C1orf50: variants seen among roughly 807,000 people sequenced by gnomAD.
C1orf50 encodes the protein chromosome 1 open reading frame 50.
C1orf50 carries 22 observed loss-of-function variants against 23.3 expected under a neutral mutation model. That is an observed-to-expected ratio of 0.94 (90% CI 0.67 to 1.35). The LOEUF is 1.35. Ranked by LOEUF, C1orf50 falls within the 40% of genes most tolerant of loss-of-function variation. C1orf50 has a pLI of 0.00. For missense variants in C1orf50, 271 were observed against 249.4 expected, an observed-to-expected ratio of 1.09 and a Z score of -0.58; for synonymous variants, 96 against 102.4, an observed-to-expected ratio of 0.94 and a Z score of 0.38.
intron 2 of C1orf50, among the ~76,000 whole-genome samples, chr1:42,772,769 G>A (rs1445716786): frequency 5.1e-5 from 6 of 118,650 alleles, no homozygotes; most frequent in Non-Finnish European, 1.0e-4. Flanking sequence ...CAATAAGAAC[G>A]AAAACTGTCT....
intron 2 of C1orf50, among the ~76,000 whole-genome samples, chr1:42,771,551 G>A (rs1245509693): frequency 6.6e-6 from 1 of 151,980 alleles, no homozygotes; most frequent in Non-Finnish European, 1.5e-5. Context: ...AATATCAAAT[G>A]CAAAATATGG....
chr1:42,767,306 G>A lies in C1orf50; in HGVS notation c.-6G>A. On this transcript the variant is annotated 5_prime_UTR_variant, in exon 1 of 5. Transcript: ENST00000372525. ...GCCCAGGGAGTGGGGAGGATAAGGC[G>A]CTGTCATGGAGGACGCCGCCGCGCC... 1 of 1,503,922 alleles carries A rather than the reference G, an allele frequency of 6.6e-7. No homozygotes were observed. Among genetic ancestry groups the A allele is most frequent in the East Asian group, 2.4e-5 (1 of 41,968 alleles). The allele number at this position is 1,503,922 out of a possible 1,614,324, so 93.2% of individuals were successfully genotyped here.
At position 42,767,408 on chromosome 1, in the gene C1orf50, C is replaced by T; in HGVS notation, c.79+18C>T. On this transcript the variant is annotated intron_variant, in intron 1 of 4. Coordinates refer to ENST00000372525, the MANE Select transcript of C1orf50 (RefSeq NM_024097.4). The stretch of plus-strand genomic sequence containing the variant: ...CCAGGGAGGTATGCGGGGCGGGAGT[C>T]AGCAGGGGGAAGTCAGCTCCCGCGA... The T allele has an allele frequency of 6.4e-7, 1 of 1,556,170 alleles. No homozygotes were observed. The highest frequency in any genetic ancestry group is 8.7e-7 in the Non-Finnish European group (1 of 1,151,248).
intron 4 of C1orf50, 132 bp from the exon 5 acceptor site, chr1:42,775,077 A>G (rs1653306649): frequency 1.0e-6 from 1 of 979,278 alleles, no homozygotes; most frequent in Non-Finnish European, 1.5e-6. Context: ...TGTGTAAGGT[A>G]ACTGCGTTCC....
chr1:42,767,871 C>T (rs758011030), intron 2 of C1orf50, among the ~76,000 whole-genome samples: 2 of 152,226 alleles, frequency 1.3e-5, no homozygotes, highest in African/African-American at 2.4e-5. Flanking sequence ...GTTTACACAA[C>T]ACTTTAGTGT....
intron 3 of C1orf50, among the ~76,000 whole-genome samples, chr1:42,773,935 G>A (rs1341076810): frequency 6.6e-6 from 1 of 152,104 alleles, no homozygotes; most frequent in Non-Finnish European, 1.5e-5. Flanking sequence ...CGATTCTCCT[G>A]TCTCAGCCTC....
chr1:42,776,414 T>C lies in C1orf50; in HGVS notation c.*1020T>C, dbSNP rs1360868508. On this transcript the variant is annotated 3_prime_UTR_variant, in exon 5 of 5. Coordinates refer to ENST00000372525, the MANE Select transcript of C1orf50 (RefSeq NM_024097.4). ...ATCTGTTTGGTGGAATTAGCTAAGT[T>C]TATGGATTATTTCGCATGGCTATAA... 6.6e-6 allele frequency: 1 copy of C among 152,210 alleles called. No individual in the cohort carries two copies. The highest frequency in any genetic ancestry group is 2.4e-5 in the African/African-American group (1 of 41,442). 9.4% of individuals were successfully genotyped at this position (152,210 alleles called of 1,614,324 possible). A position where few individuals can be genotyped will look rare whatever the true frequency, so the allele number is the denominator to read the frequency against.
rs1278825580 is a variant in C1orf50, at chr1:42,778,959, A to G, written c.*3565A>G. 7.7e-6 allele frequency: 1 copy of G among 129,652 alleles called. No homozygotes were observed. Among genetic ancestry groups the G allele is most frequent in the Non-Finnish European group, 1.6e-5 (1 of 63,400 alleles). The allele number at this position is 129,652 out of a possible 1,614,324, so 8.0% of individuals were successfully genotyped here. On this transcript the variant is annotated 3_prime_UTR_variant, in exon 5 of 5. Coordinates refer to ENST00000372525, the MANE Select transcript of C1orf50 (RefSeq NM_024097.4). Reference sequence around the variant, plus strand: ...GAATGAGAGGGCCTGTATTTCACCAATTACAAGGTGTACTTCCCCCCCCCC... The same window carrying G: ...GAATGAGAGGGCCTGTATTTCACCAGTTACAAGGTGTACTTCCCCCCCCCC...
chr1:42,774,645 T>C lies in C1orf50; in HGVS notation c.283-92T>C, dbSNP rs1027806967. 6 of 1,439,186 alleles carry C rather than the reference T, an allele frequency of 4.2e-6. No individual in the cohort carries two copies. The South Asian group carries it at 8.2e-5, about 20-fold the overall frequency. 89.2% of individuals were successfully genotyped at this position (1,439,186 alleles called of 1,614,324 possible). A position where few individuals can be genotyped will look rare whatever the true frequency, so the allele number is the denominator to read the frequency against. ...TATGGGGGAGCAAGATCCTAAGCACTGAATGGTTTCCAAATTTTAATTGGG... is the reference window on the plus strand; with the variant it reads ...TATGGGGGAGCAAGATCCTAAGCACCGAATGGTTTCCAAATTTTAATTGGG... On this transcript the variant is annotated intron_variant, in intron 3 of 4. Transcript: ENST00000372525.
In C1orf50 at chr1:42,775,762, T is replaced by TTATATATATATATATATATATA. The variant is rs35859868; in HGVS notation, c.*371_*392dup. The TTATATATATATATATATATATA allele has an allele frequency of 1.4e-3, 192 of 135,916 alleles. No homozygotes were observed. Among genetic ancestry groups the TTATATATATATATATATATATA allele is most frequent in the African/African-American group, 4.8e-3 (174 of 36,070 alleles). 8.4% of individuals were successfully genotyped at this position (135,916 alleles called of 1,614,324 possible). On this transcript the variant is annotated 3_prime_UTR_variant, in exon 5 of 5. Transcript: ENST00000372525. ...TCCAGAGAGAACTGTTTTCAGTCTT[T>TTATATATATATATATATATATA]TATATATATATATATATATATATAA...
rs200795156 is a variant in C1orf50 at position 42,775,370 on chromosome 1, C to T, written c.576C>T (p.Pro192=). 5.6e-6 allele frequency: 9 copies of T among 1,598,856 alleles called. No homozygotes were observed. The East Asian group carries it at 1.8e-4, about 32-fold the overall frequency. ...QSVALPPCTE[P]NFQGLTH ...TGGCCCTGCCTCCGTGCACTGAACC[C>T]AACTTCCAGGGACTGACTCACTGAG... Residue 192 remains proline (P), a synonymous_variant, in exon 5 of 5, where the codon CCC becomes CCT. Transcript: ENST00000372525.
Position 42,767,622 on chromosome 1 carries a change from A to G in C1orf50, c.193A>G (p.Lys65Glu). The G allele has an allele frequency of 6.2e-7, 1 of 1,610,388 alleles. No individual in the cohort carries two copies. Among genetic ancestry groups the G allele is most frequent in the South Asian group, 1.1e-5 (1 of 90,476 alleles). ...CGTGGCGCTCGCAGAGCAGGTGCAG[A>G]AGGTGAGGAGGCGCGGCCGGGGCAG... ...DLVALAEQVQ[K>E]ADEFIRANAT... Residue 65 changes from lysine to glutamate, a missense_variant and splice_region_variant, in exon 2 of 5, where the codon AAG becomes GAG. Physicochemically the swap from Lys to Glu is moderately conservative, Grantham distance 56. Transcript: ENST00000372525.
rs969356294 is a variant in C1orf50, at chr1:42,779,419, G to C, written c.*4025G>C. On this transcript the variant is annotated 3_prime_UTR_variant, in exon 5 of 5. Transcript: ENST00000372525. Reference sequence around the variant, plus strand: ...AATCATAACATAGCATCTTACATTTGATGAAGCATGGCACATTGAAAGTAC... The same window carrying C: ...AATCATAACATAGCATCTTACATTTCATGAAGCATGGCACATTGAAAGTAC... 3 of 151,488 alleles carry C rather than the reference G, an allele frequency of 2.0e-5. No homozygotes were observed. Among genetic ancestry groups the C allele is most frequent in the Non-Finnish European group, 4.4e-5 (3 of 67,912 alleles). The allele number at this position is 151,488 out of a possible 1,614,324, so 9.4% of individuals were successfully genotyped here. A position where few individuals can be genotyped will look rare whatever the true frequency, so the allele number is the denominator to read the frequency against.
chr1:42,771,160 C>T (rs1653212561), intron 2 of C1orf50, among the ~76,000 whole-genome samples: 1 of 152,160 alleles, frequency 6.6e-6, no homozygotes, highest in African/African-American at 2.4e-5. Flanking sequence ...TTATTTCCTT[C>T]ATAACAGTGC....
chr1:42,768,469 TC>T (rs1653137788), intron 2 of C1orf50, among the ~76,000 whole-genome samples: 1 of 152,226 alleles, frequency 6.6e-6, no homozygotes, highest in Non-Finnish European at 1.5e-5. Flanking sequence ...TTGATTATGT[TC>T]CAGGGTCTTT....
At chr1:42,771,791 A>G (rs1653227540) in intron 2 of C1orf50, among the ~76,000 whole-genome samples, 1 of 152,166 alleles carries the variant, frequency 6.6e-6, no homozygotes, top group Non-Finnish European at 1.5e-5. Flanking sequence ...CAGCCTGGCA[A>G]ACATGGCAAA....
chr1:42,773,509 T>G (rs1333007922), intron 2 of C1orf50, 54 bp from the exon 3 acceptor site: 1 of 1,068,264 alleles, frequency 9.4e-7, no homozygotes. Context: ...GATAAGAACA[T>G]CATAGAAGTC....
At position 42,775,979 on chromosome 1, in the gene C1orf50, G is replaced by A. The variant is rs889353512; in HGVS notation, c.*585G>A. On this transcript the variant is annotated 3_prime_UTR_variant, in exon 5 of 5. Transcript: ENST00000372525. ...CTGGGATTTCTGTGCTGTTGATGAG[G>A]TTTGTCTTGCCCCTTTTGCTCTCTC... 4.6e-5 allele frequency: 7 copies of A among 151,896 alleles called. No individual in the cohort carries two copies. Among genetic ancestry groups the A allele is most frequent in the African/African-American group, 1.7e-4 (7 of 41,340 alleles). The allele number at this position is 151,896 out of a possible 1,614,324, so 9.4% of individuals were successfully genotyped here. A position where few individuals can be genotyped will look rare whatever the true frequency, so the allele number is the denominator to read the frequency against.
At position 42,775,356 on chromosome 1, in the gene C1orf50, C is replaced by T; in HGVS notation, c.562C>T (p.Pro188Ser). 6.2e-7 allele frequency: 1 copy of T among 1,607,692 alleles called. No homozygotes were observed. The highest frequency in any genetic ancestry group is 8.5e-7 in the Non-Finnish European group (1 of 1,175,078). The change falls in exon 5 of 5, where the codon CCG becomes TCG. Residue 188 changes from proline (P) to serine (S), a missense_variant. Pro to Ser is a moderately conservative substitution (Grantham distance 74, BLOSUM62 -1). Coordinates refer to ENST00000372525, the MANE Select transcript of C1orf50 (RefSeq NM_024097.4). Reference protein sequence around the residue: ...TLLSQSVALPPCTEPNFQGLT... With the variant: ...TLLSQSVALPSCTEPNFQGLT... ...GCTAAGCCAGTCAGTGGCCCTGCCTCCGTGCACTGAACCCAACTTCCAGGG... is the reference window on the plus strand; with the variant it reads ...GCTAAGCCAGTCAGTGGCCCTGCCTTCGTGCACTGAACCCAACTTCCAGGG...
Sources: gnomAD v4.1 joint callset for allele counts (sites outside exome capture counted in the v4.1 genomes callset) on GRCh38, gnomAD v4.1.1 for gene constraint, MANE v1.5 for transcripts, NCBI Gene and HGNC (gene_info 2026-07-23, HGNC 2026-07-21) for gene names.